PAQR3: variants seen among roughly 807,000 people sequenced by gnomAD.
The protein encoded by PAQR3 is Raf kinase trapping to Golgi.
PAQR3 carries 39 observed loss-of-function variants against 41.7 expected under a neutral mutation model. The ratio of observed to expected loss-of-function variants is 0.93; its 90% CI spans 0.72 to 1.22. The LOEUF is 1.22. Among genes scored for constraint, PAQR3 ranks in the 50% most tolerant of loss-of-function variants. The pLI is 0.00. For missense variants in PAQR3, 366 were observed against 385.6 expected, an observed-to-expected ratio of 0.95 and a Z score of 0.42; for synonymous variants, 140 against 140.6, an observed-to-expected ratio of 1.00 and a Z score of 0.03.
chr4:78,911,726 A>C, downstream of PAQR3: 1 of 1,613,992 alleles, frequency 6.2e-7, no homozygotes, highest in Non-Finnish European at 8.5e-7. Context: ...AATGTCTTAC[A>C]ACCTGAGGAG....
In PAQR3 at chr4:78,917,776, T is replaced by C. The variant is rs998999924; in HGVS notation, c.*2763A>G. On this transcript the variant is annotated 3_prime_UTR_variant, in exon 6 of 6. Coordinates refer to ENST00000512733, the MANE Select transcript of PAQR3 (RefSeq NM_001040202.2). Reference sequence around the variant, plus strand: ...TAGTAGGTACCTGCCAAATGGAGAGTTGTACAGTTTTACGGAAGTCAATCA... The same window carrying C: ...TAGTAGGTACCTGCCAAATGGAGAGCTGTACAGTTTTACGGAAGTCAATCA... 3.1e-6 allele frequency: 3 copies of C among 977,118 alleles called. No homozygotes were observed. The highest frequency in any genetic ancestry group is 3.6e-6 in the Non-Finnish European group (3 of 822,348). 60.5% of individuals were successfully genotyped at this position (977,118 alleles called of 1,614,324 possible).
At position 78,939,130 on chromosome 4, in the gene PAQR3, G is replaced by A; in HGVS notation, c.95C>T (p.Thr32Ile). Reference sequence around the variant, plus strand: ...GAGGGACCCGGGGATCTGCTCGTAGGTGTACAGGCGGATGCCACGGGGCAC... The same window carrying A: ...GAGGGACCCGGGGATCTGCTCGTAGATGTACAGGCGGATGCCACGGGGCAC... The part of the protein sequence containing the change: ...VLVPRGIRLY[T>I]YEQIPGSLKD... Residue 32 changes from threonine to isoleucine, a missense_variant, in exon 1 of 6, where the codon ACC becomes ATC. Transcript: ENST00000512733. The A allele has an allele frequency of 6.2e-7, 1 of 1,613,898 alleles. No individual in the cohort carries two copies. The highest frequency in any genetic ancestry group is 8.5e-7 in the Non-Finnish European group (1 of 1,179,908).
Position 78,919,563 on chromosome 4 carries a change from C to A in PAQR3, c.*976G>T, listed in dbSNP as rs1735451557. 2.0e-6 allele frequency: 2 copies of A among 984,974 alleles called. No individual in the cohort carries two copies. Among genetic ancestry groups the A allele is most frequent in the South Asian group, 4.7e-5 (1 of 21,286 alleles). The allele number at this position is 984,974 out of a possible 1,614,324, so 61.0% of individuals were successfully genotyped here. ...ATAAGATTATTATCAAATGGGGCAT[C>A]TGCATGACTTTGTTCTAAGGCTTAA... On this transcript the variant is annotated 3_prime_UTR_variant, in exon 6 of 6. Coordinates refer to ENST00000512733, the MANE Select transcript of PAQR3 (RefSeq NM_001040202.2).
intron 11 of PAQR3, among the ~76,000 whole-genome samples, chr4:78,898,612 C>G (rs1385532208): frequency 1.3e-5 from 2 of 149,812 alleles, no homozygotes; most frequent in Non-Finnish European, 3.0e-5. Flanking sequence ...ATATTCCTTT[C>G]CTGTTTAAAG....
At position 78,919,526 on chromosome 4, in the gene PAQR3, G is replaced by C. The variant is rs759658925; in HGVS notation, c.*1013C>G. On this transcript the variant is annotated 3_prime_UTR_variant, in exon 6 of 6. Transcript: ENST00000512733. ...TAACACATGCAGAAACCGAGGACCA[G>C]AGCACAGGTGAATAAGATTATTATC... is the stretch of plus-strand genomic sequence containing the variant. The C allele has an allele frequency of 7.1e-6, 7 of 985,014 alleles. No homozygotes were observed. The highest frequency in any genetic ancestry group is 8.4e-6 in the Non-Finnish European group (7 of 829,794). The allele number at this position is 985,014 out of a possible 1,614,324, so 61.0% of individuals were successfully genotyped here.
downstream of PAQR3, chr4:78,911,722 T>G (rs778928385): frequency 1.4e-5 from 22 of 1,613,808 alleles, no homozygotes; most frequent in Admixed American, 1.8e-4. Flanking sequence ...GGGGAATGTC[T>G]TACAACCTGA....
chr4:78,921,387 G>A (rs1322840295), intron 5 of PAQR3, among the ~76,000 whole-genome samples: 1 of 151,838 alleles, frequency 6.6e-6, no homozygotes, highest in African/African-American at 2.4e-5. Flanking sequence ...ACATACTCAT[G>A]GTGCTTCTAT....
At chr4:78,927,229 A>G (rs1736332983) in intron 3 of PAQR3, among the ~76,000 whole-genome samples, 1 of 152,234 alleles carries the variant, frequency 6.6e-6, no homozygotes, top group South Asian at 2.1e-4. Context: ...TCAAGGAAAG[A>G]GAACAGCAAA....
downstream of PAQR3, chr4:78,910,708 C>T (rs1424276123): frequency 6.2e-7 from 1 of 1,612,980 alleles, no homozygotes; most frequent in Non-Finnish European, 8.5e-7. Context: ...ATCTAAAGAT[C>T]AGCGGACTGG....
At chr4:78,895,169 T>C (rs2033062) in intron 11 of PAQR3, among the ~76,000 whole-genome samples, 20,290 of 152,182 alleles carry the variant, frequency 0.13, 2,503 homozygotes, top group African/African-American at 0.33. Flanking sequence ...ATCACATGCT[T>C]TTAAAAAAAT....
At chr4:78,887,226 T>C (rs1264380112) in exon 13 of PAQR3, 6 of 1,611,972 alleles carry the variant, frequency 3.7e-6, no homozygotes, top group Non-Finnish European at 5.1e-6. Context: ...CACTTTCTGC[T>C]CCACATAACC....
chr4:78,892,675 A>G (rs1266193995), intron 11 of PAQR3, among the ~76,000 whole-genome samples: 1 of 152,200 alleles, frequency 6.6e-6, no homozygotes, highest in Non-Finnish European at 1.5e-5. Context: ...CCAGACCACT[A>G]CAAAAAGTGA....
At chr4:78,933,479 T>C (rs1737123870) in intron 2 of PAQR3, among the ~76,000 whole-genome samples, 1 of 152,172 alleles carries the variant, frequency 6.6e-6, no homozygotes, top group Non-Finnish European at 1.5e-5. Flanking sequence ...TGTAAATCAA[T>C]ATTAATAAAT....
At chr4:78,907,138 A>T (rs1232887571), downstream of PAQR3, among the ~76,000 whole-genome samples, 1 of 152,224 alleles carries the variant, frequency 6.6e-6, no homozygotes, top group Non-Finnish European at 1.5e-5. Flanking sequence ...GGAATATTTT[A>T]TCATATTTCT....
In PAQR3 at chr4:78,912,292, C is replaced by G. The variant is rs190152494; in HGVS notation, c.*8247G>C. 456 of 378,256 alleles carry G rather than the reference C, an allele frequency of 1.2e-3. 1 individual carries two copies. Among genetic ancestry groups the G allele is most frequent in the African/African-American group, 8.8e-3 (424 of 48,440 alleles). 23.4% of individuals were successfully genotyped at this position (378,256 alleles called of 1,614,324 possible). On this transcript the variant is annotated 3_prime_UTR_variant, in exon 6 of 6. Coordinates refer to ENST00000512733, the MANE Select transcript of PAQR3 (RefSeq NM_001040202.2). ...CTACTGACATCACAACACAGAAATGCAAGTGTGGTACTTCCAGTGAAAGCA... is the reference window on the plus strand; with the variant it reads ...CTACTGACATCACAACACAGAAATGGAAGTGTGGTACTTCCAGTGAAAGCA...
intron 3 of PAQR3, 138 bp downstream of exon 3, chr4:78,930,032 T>C (rs1010985657): frequency 1.4e-6 from 1 of 716,338 alleles, no homozygotes; most frequent in Non-Finnish European, 2.1e-6. Context: ...TTCTGAAAAA[T>C]AAGTTTATGC....
chr4:78,897,387 A>T (rs1379752329), intron 11 of PAQR3, among the ~76,000 whole-genome samples: 1 of 152,154 alleles, frequency 6.6e-6, no homozygotes, highest in Non-Finnish European at 1.5e-5. Flanking sequence ...TGCTGTTTTT[A>T]AAATGATGGA....
intron 1 of PAQR3, among the ~76,000 whole-genome samples, chr4:78,937,867 T>C (rs1235317519): frequency 6.6e-6 from 1 of 152,240 alleles, no homozygotes; most frequent in Non-Finnish European, 1.5e-5. Flanking sequence ...TTAAGGCAAT[T>C]CACTGCTTGC....
At chr4:78,929,352 G>A (rs1736581888) in intron 3 of PAQR3, among the ~76,000 whole-genome samples, 1 of 152,230 alleles carries the variant, frequency 6.6e-6, no homozygotes, top group Admixed American at 6.5e-5. Flanking sequence ...AAACAAAGTA[G>A]GGTCGAAGGG....
Sources: allele counts gnomAD v4.1 joint callset (sites outside exome capture counted in the v4.1 genomes callset), GRCh38; gene constraint gnomAD v4.1.1; transcripts MANE v1.5; gene names NCBI Gene and HGNC (gene_info 2026-07-23, HGNC 2026-07-21).